Variants in CLPTM1L observed in about 807,000 individuals in gnomAD.
CLPTM1L encodes the protein lipid scramblase CLPTM1L.
A neutral mutation model predicts 70.9 loss-of-function variants in CLPTM1L; 38 were observed. The observed-to-expected ratio is 0.54, with a 90% CI of 0.41 to 0.70. CLPTM1L has a LOEUF of 0.70. CLPTM1L is among the 30% of genes least tolerant of loss of function. The pLI, the probability that CLPTM1L is intolerant of heterozygous loss-of-function variation, is 0.00. For synonymous variants in CLPTM1L, 339 were observed against 299.9 expected, an observed-to-expected ratio of 1.13 and a Z score of -1.35; for missense variants, 652 against 705.9, an observed-to-expected ratio of 0.92 and a Z score of 0.87.
At chr5:1,321,743 G>A (rs538291509) in intron 14 of CLPTM1L, 21 bp downstream of exon 14, 19 of 1,613,884 alleles carry the variant, frequency 1.2e-5, no homozygotes, top group South Asian at 6.6e-5. Context: ...GCCGGGCCGC[G>A]GGCAGCACAC....
At chr5:1,326,873 A>G (rs1450431215) in intron 9 of CLPTM1L, among the ~76,000 whole-genome samples, 84 of 147,836 alleles carry the variant, frequency 5.7e-4, no homozygotes, top group Non-Finnish European at 9.5e-4. Flanking sequence ...CCTCCTCGAC[A>G]GACACATTTC....
intron 13 of CLPTM1L, among the ~76,000 whole-genome samples, chr5:1,322,189 G>A (rs578086509): frequency 3.3e-5 from 5 of 152,298 alleles, no homozygotes; most frequent in African/African-American, 9.6e-5. Context: ...CAGGGAGGAC[G>A]GCAGTGCGGG....
chr5:1,321,495 T>C, intron 15 of CLPTM1L, 140 bp downstream of exon 15: 1 of 735,248 alleles, frequency 1.4e-6, no homozygotes, highest in Non-Finnish European at 2.4e-6. Flanking sequence ...TAAAGGAGCC[T>C]CCTCAATATT....
chr5:1,336,950 C>G (rs903955428), intron 5 of CLPTM1L, among the ~76,000 whole-genome samples: 16 of 152,332 alleles, frequency 1.1e-4, no homozygotes, highest in East Asian at 5.8e-4. Flanking sequence ...GCTGCACCCC[C>G]CCGCTAGCAA....
intron 16 of CLPTM1L, 24 bp downstream of exon 16, chr5:1,320,592 C>A: frequency 7.3e-7 from 1 of 1,361,598 alleles, no homozygotes; most frequent in Non-Finnish European, 1.0e-6. Context: ...GGAGCAACGG[C>A]CGAGCATACG....
At chr5:1,327,086 C>T (rs1465819644) in intron 9 of CLPTM1L, among the ~76,000 whole-genome samples, 2 of 151,200 alleles carry the variant, frequency 1.3e-5, no homozygotes, top group Non-Finnish European at 2.9e-5. Flanking sequence ...AGGGACATTC[C>T]ACCCAGCTCC....
At chr5:1,333,077 T>A (rs1352444033) in intron 7 of CLPTM1L, among the ~76,000 whole-genome samples, 5 of 112,662 alleles carry the variant, frequency 4.4e-5, no homozygotes, top group African/African-American at 1.9e-4. Context: ...GGGGGACTAC[T>A]GTATACACAC....
intron 5 of CLPTM1L, among the ~76,000 whole-genome samples, chr5:1,337,394 C>G (rs962172144): frequency 2.0e-5 from 3 of 152,238 alleles, no homozygotes; most frequent in Non-Finnish European, 4.4e-5. Context: ...GCCCAGAGAG[C>G]AGCCACTTCT....
chr5:1,338,158 C>T (rs1753702674), intron 4 of CLPTM1L, 176 bp from the exon 5 acceptor site: 4 of 630,564 alleles, frequency 6.3e-6, no homozygotes, highest in South Asian at 5.5e-5. Context: ...GAGAGCCTGA[C>T]AACATATGCA....
At chr5:1,326,109 C>T in intron 9 of CLPTM1L, 1 of 412,336 alleles carries the variant, frequency 2.4e-6, no homozygotes, top group Middle Eastern at 6.4e-4. Context: ...CCCAAATAAG[C>T]CCCCACCTAC....
At chr5:1,320,774 G>GTTCA in intron 15 of CLPTM1L, 43 bp from the exon 16 acceptor site, 1 of 1,196,890 alleles carries the variant, frequency 8.4e-7, no homozygotes, top group Non-Finnish European at 1.2e-6. Context: ...AGTTGCTGGG[G>GTTCA]CTGGAATCCT....
At chr5:1,340,451 T>G (rs1753869387) in intron 3 of CLPTM1L, among the ~76,000 whole-genome samples, 1 of 152,210 alleles carries the variant, frequency 6.6e-6, no homozygotes, top group Admixed American at 6.5e-5. Flanking sequence ...ATTTCCTACC[T>G]AAAGATGCAG....
chr5:1,332,223 C>T (rs1753142664), intron 7 of CLPTM1L: 1 of 304,828 alleles, frequency 3.3e-6, no homozygotes, highest in Non-Finnish European at 6.3e-6. Context: ...CCACTCAGGG[C>T]AGCCTCATCT....
Position 1,334,246 on chromosome 5 carries a change from G to A in CLPTM1L, c.891+43C>T, listed in dbSNP as rs932741165. 7 of 1,476,326 alleles carry A rather than the reference G, an allele frequency of 4.7e-6. No individual in the cohort carries two copies. The African/African-American group carries it at 5.6e-5, about 12-fold the overall frequency. The allele number at this position is 1,476,326 out of a possible 1,614,324, so 91.5% of individuals were successfully genotyped here. A position where few individuals can be genotyped will look rare whatever the true frequency, so the allele number is the denominator to read the frequency against. The stretch of plus-strand genomic sequence containing the variant: ...CTGCAGGAGGCCCGGGGCCCAGGGA[G>A]CCCCCCAAGTGCCTGCGGCAAGCCC... On this transcript the variant is annotated intron_variant, in intron 7 of 16. Coordinates refer to ENST00000320895, the MANE Select transcript of CLPTM1L (RefSeq NM_030782.5).
chr5:1,323,721 G>T lies in CLPTM1L; in HGVS notation c.1280+66C>A. ...TGCCCTCCAGTCGCACCCCGCTCTG[G>T]CTCAGTCATCCAAATGGCTTTCTCA... is the stretch of plus-strand genomic sequence containing the variant. On this transcript the variant is annotated intron_variant, in intron 12 of 16. Transcript: ENST00000320895. 3.5e-6 allele frequency: 5 copies of T among 1,414,222 alleles called. No homozygotes were observed. The South Asian group carries it at 4.6e-5, about 13-fold the overall frequency. The allele number at this position is 1,414,222 out of a possible 1,614,324, so 87.6% of individuals were successfully genotyped here.
chr5:1,335,044 G>T lies in CLPTM1L; in HGVS notation c.796+13C>A, dbSNP rs892332585. Reference sequence around the variant, plus strand: ...GCGGCCTCACCCAGGCGCCGGCCGTGTGCGGCACATACCGAACTGCTGCAG... The same window carrying T: ...GCGGCCTCACCCAGGCGCCGGCCGTTTGCGGCACATACCGAACTGCTGCAG... On this transcript the variant is annotated intron_variant, in intron 6 of 16. Coordinates refer to ENST00000320895, the MANE Select transcript of CLPTM1L (RefSeq NM_030782.5). 3.1e-6 allele frequency: 5 copies of T among 1,608,152 alleles called. No individual in the cohort carries two copies. The highest frequency in any genetic ancestry group is 4.3e-6 in the Non-Finnish European group (5 of 1,175,710).
intron 15 of CLPTM1L, 149 bp from the exon 16 acceptor site, chr5:1,320,880 G>A (rs981985568): frequency 3.2e-5 from 18 of 562,038 alleles, no homozygotes; most frequent in Non-Finnish European, 4.8e-5. Flanking sequence ...GCAGAAAGCC[G>A]GCAAGTGGAG....
Position 1,341,748 on chromosome 5 carries a change from G to T in CLPTM1L, c.376C>A (p.Leu126Met), listed in dbSNP as rs755251189. The T allele has an allele frequency of 6.2e-7, 1 of 1,614,018 alleles. No individual in the cohort carries two copies. The highest frequency in any genetic ancestry group is 8.5e-7 in the Non-Finnish European group (1 of 1,179,970). The change falls in exon 3 of 17, where the codon CTG (leucine) becomes ATG (methionine). Residue 126 changes from leucine to methionine, a missense_variant. Coordinates refer to ENST00000320895, the MANE Select transcript of CLPTM1L (RefSeq NM_030782.5). The stretch of plus-strand genomic sequence containing the variant: ...ATGTAGGTGGTCAGAGGACTGACCA[G>T]GTGCACCTGCTTCCCGTCGTGCCAC... The part of the protein sequence containing the change: ...LPWHDGKQVH[L>M]VSPLTTYMVP...
chr5:1,328,562 C>T lies in CLPTM1L; in HGVS notation c.1080+1718G>A, dbSNP rs1277940207. Among the ~76,000 whole-genome samples the T allele has an allele frequency of 4.8e-4, 73 of 150,974 alleles. 1 individual carries two copies. The highest frequency in any genetic ancestry group is 1.7e-3 in the African/African-American group (71 of 40,928). On this transcript the variant is annotated intron_variant, in intron 9 of 16. Transcript: ENST00000320895. ...TCATCCAGCTCCTCCTCTACGGACA[C>T]ATTTCATCCAGCTCCTCCTCTACAG...
Sources: allele counts gnomAD v4.1 joint callset (sites outside exome capture counted in the v4.1 genomes callset), GRCh38; gene constraint gnomAD v4.1.1; transcripts MANE v1.5; gene names NCBI Gene and HGNC (gene_info 2026-07-23, HGNC 2026-07-21).